The following GLI4 variants were observed in gnomAD, a reference collection of about 807,000 sequenced individuals.
The protein encoded by GLI4 is GLI family zinc finger 4, also known as zinc finger protein GLI4.
Under a neutral mutation model 30.9 loss-of-function variants are expected in GLI4, and 34 were observed. The observed-to-expected ratio is 1.10, with a 90% CI of 0.84 to 1.47. The LOEUF (loss-of-function observed/expected upper bound fraction) is 1.47, where lower values mean the gene tolerates loss of function less well. Ranked by LOEUF, GLI4 falls within the 40% of genes most tolerant of loss-of-function variation. GLI4 has a pLI of 0.00. For missense variants in GLI4, 696 were observed against 538.9 expected, an observed-to-expected ratio of 1.29 and a Z score of -2.89; for synonymous variants, 277 against 236.7, an observed-to-expected ratio of 1.17 and a Z score of -1.56.
In GLI4 at chr8:143,276,511, TCCAACCTGGTGCG is replaced by T; in HGVS notation, c.842_854del (p.Asn281ThrfsTer132). The T allele has an allele frequency of 6.2e-7, 1 of 1,612,760 alleles. No homozygotes were observed. Among genetic ancestry groups the T allele is most frequent in the South Asian group, 1.1e-5 (1 of 91,060 alleles). On this transcript the variant is annotated frameshift_variant, in exon 4 of 4. Coordinates refer to ENST00000340042, the MANE Select transcript of GLI4 (RefSeq NM_138465.4). LOFTEE classifies it high-confidence loss of function. ...GTGCGGCCAGGCCTTCAGCCAGAGC[TCCAACCTGGTGCG>T]CCACCAGCGGCTGCACACGGGTGAG...
intron 3 of GLI4, 23 bp from the exon 4 acceptor site, chr8:143,275,874 G>T: frequency 7.9e-7 from 1 of 1,269,298 alleles, no homozygotes. Flanking sequence ...GGTACTATCC[G>T]CCTCTGCCGT....
chr8:143,275,386 G>A (rs1246857095), intron 3 of GLI4: 43 of 1,398,968 alleles, frequency 3.1e-5, no homozygotes, highest in Non-Finnish European at 4.0e-5. Context: ...AAGAGACCCT[G>A]GGCCAGAGAT....
rs144938868 is a variant in GLI4 at position 143,274,244 on chromosome 8, G to A, written c.125-460G>A. Reference sequence around the variant, plus strand: ...CTCGTCAAGGACAGCAGAGAGCCCCGGAGGGACAGAAAGGTCTGGGGCCAA... The same window carrying A: ...CTCGTCAAGGACAGCAGAGAGCCCCAGAGGGACAGAAAGGTCTGGGGCCAA... On this transcript the variant is annotated intron_variant, in intron 2 of 3. Coordinates refer to ENST00000340042, the MANE Select transcript of GLI4 (RefSeq NM_138465.4). 2.2e-4 allele frequency among the ~76,000 whole-genome samples: 34 copies of A among 152,340 alleles called. 1 individual carries two copies. In the East Asian group the frequency reaches 5.2e-3, roughly 23 times the overall value.
chr8:143,275,417 G>T, intron 3 of GLI4: 2 of 1,385,730 alleles, frequency 1.4e-6, no homozygotes, highest in East Asian at 5.4e-5. Context: ...AGCTCCTGGG[G>T]TGGGCATGGG....
chr8:143,269,651 C>G, intron 2 of GLI4, 131 bp downstream of exon 2: 1 of 772,246 alleles, frequency 1.3e-6, no homozygotes, highest in Non-Finnish European at 2.2e-6. Flanking sequence ...GCAGCTCCTT[C>G]AGCAGCTGGG....
Position 143,276,658 on chromosome 8 carries a change from G to T in GLI4, c.985G>T (p.Gly329Cys). The T allele has an allele frequency of 1.2e-6, 2 of 1,612,204 alleles. No homozygotes were observed. Among genetic ancestry groups the T allele is most frequent in the Non-Finnish European group, 1.7e-6 (2 of 1,179,628 alleles). ...GEKPYECSDCGKAFRGRSHFF... is the reference protein window; with the variant it reads ...GEKPYECSDCCKAFRGRSHFF... The stretch of plus-strand genomic sequence containing the variant: ...GAAGCCCTACGAGTGCTCCGACTGC[G>T]GCAAAGCCTTCCGCGGCCGCTCGCA... Residue 329 changes from glycine (G) to cysteine (C), a missense_variant, in exon 4 of 4, where the codon GGC becomes TGC. Coordinates refer to ENST00000340042, the MANE Select transcript of GLI4 (RefSeq NM_138465.4).
chr8:143,272,167 G>T lies in GLI4; in HGVS notation c.125-2537G>T, dbSNP rs560373531. 2.0e-5 allele frequency among the ~76,000 whole-genome samples: 3 copies of T among 152,292 alleles called. No homozygotes were observed. The East Asian group carries it at 5.8e-4, about 29-fold the overall frequency. Reference sequence around the variant, plus strand: ...CTTGGGGGCTTGCAGCCCTGTGGGGGTTACTGAGTGCCCAGGCTGTTAGGG... The same window carrying T: ...CTTGGGGGCTTGCAGCCCTGTGGGGTTTACTGAGTGCCCAGGCTGTTAGGG... On this transcript the variant is annotated intron_variant, in intron 2 of 3. Coordinates refer to ENST00000340042, the MANE Select transcript of GLI4 (RefSeq NM_138465.4).
At chr8:143,271,252 CTG>C (rs1815262381) in intron 2 of GLI4, among the ~76,000 whole-genome samples, 1 of 152,132 alleles carries the variant, frequency 6.6e-6, no homozygotes, top group Admixed American at 6.5e-5. Flanking sequence ...CAGCAAGAGA[CTG>C]TGGCAGGAGG....
chr8:143,268,090 G>A (rs1586724632), intron 1 of GLI4: 1 of 985,370 alleles, frequency 1.0e-6, no homozygotes, highest in Non-Finnish European at 1.2e-6. Context: ...CTTTTACCAG[G>A]TGTCCCCAGT....
chr8:143,269,694 G>T (rs546606247), intron 2 of GLI4, among the ~76,000 whole-genome samples, 174 bp downstream of exon 2: 1 of 152,220 alleles, frequency 6.6e-6, no homozygotes, highest in Non-Finnish European at 1.5e-5. Flanking sequence ...GGCTCGGCGC[G>T]GGTTGGGTTG....
chr8:143,269,540 T>C lies in GLI4; in HGVS notation c.124+20T>C. 5 of 1,606,010 alleles carry C rather than the reference T, an allele frequency of 3.1e-6. No individual in the cohort carries two copies. Among genetic ancestry groups the C allele is most frequent in the Non-Finnish European group, 4.3e-6 (5 of 1,173,436 alleles). On this transcript the variant is annotated intron_variant, in intron 2 of 3. Coordinates refer to ENST00000340042, the MANE Select transcript of GLI4 (RefSeq NM_138465.4). Reference sequence around the variant, plus strand: ...AACATGGTACTCACCCAGCCCGCTGTGCGCCCTCCACCCTGCATCCCCTGC... The same window carrying C: ...AACATGGTACTCACCCAGCCCGCTGCGCGCCCTCCACCCTGCATCCCCTGC...
At chr8:143,275,235 C>G (rs1423478938) in intron 3 of GLI4, 3 of 1,529,970 alleles carry the variant, frequency 2.0e-6, no homozygotes, top group Admixed American at 2.0e-5. Flanking sequence ...GTCCAGGTCC[C>G]CTGCACCTCC....
chr8:143,269,094 G>A (rs530244325), intron 1 of GLI4, among the ~76,000 whole-genome samples: 5 of 152,166 alleles, frequency 3.3e-5, no homozygotes, highest in East Asian at 1.9e-4. Context: ...TACCCACCTC[G>A]GCCTCACAAA....
chr8:143,275,803 C>G, intron 3 of GLI4, 94 bp from the exon 4 acceptor site: 47 of 1,247,446 alleles, frequency 3.8e-5, no homozygotes, highest in Non-Finnish European at 4.7e-5. Context: ...TCTAAGCCCC[C>G]CCGTCCAGCT....
At chr8:143,267,965 T>A in intron 1 of GLI4, 1 of 985,364 alleles carries the variant, frequency 1.0e-6, no homozygotes, top group Non-Finnish European at 1.2e-6. Context: ...CCTTCCCCCT[T>A]CAGTCTGGAG....
chr8:143,275,280 T>C (rs749939434), intron 3 of GLI4: 100 of 1,497,492 alleles, frequency 6.7e-5, no homozygotes, highest in Non-Finnish European at 8.4e-5. Context: ...CTCTGGGCGA[T>C]GTTAGTGATA....
intron 2 of GLI4, among the ~76,000 whole-genome samples, chr8:143,271,341 C>G (rs1048411400): frequency 1.3e-5 from 2 of 152,170 alleles, no homozygotes; most frequent in African/African-American, 4.8e-5. Context: ...GGCCTTCATC[C>G]CCTCTTCATG....
At chr8:143,271,737 G>C (rs1330502521) in intron 2 of GLI4, among the ~76,000 whole-genome samples, 1 of 152,142 alleles carries the variant, frequency 6.6e-6, no homozygotes, top group Non-Finnish European at 1.5e-5. Context: ...GTCCCAAGTA[G>C]GAGCCGTTTA....
rs1272762964 is a variant in GLI4, at chr8:143,274,731, T to G, written c.152T>G (p.Leu51Arg). ...HGSPGSSPKV[L>R]SQPSDLDLQD... ...TCCCCTGGCTCCAGCCCTAAGGTGC[T>G]CTCCCAGCCGTCCGACCTGGATCTC... The change falls in exon 3 of 4, where the codon CTC (leucine) becomes CGC (arginine). Residue 51 changes from leucine (L) to arginine (R), a missense_variant. Coordinates refer to ENST00000340042, the MANE Select transcript of GLI4 (RefSeq NM_138465.4). 6 of 1,566,046 alleles carry G rather than the reference T, an allele frequency of 3.8e-6. No homozygotes were observed. Among genetic ancestry groups the G allele is most frequent in the African/African-American group, 1.4e-5 (1 of 73,366 alleles).
Sources: gnomAD v4.1 joint callset for allele counts (sites outside exome capture counted in the v4.1 genomes callset) on GRCh38, gnomAD v4.1.1 for gene constraint, MANE v1.5 for transcripts, NCBI Gene and HGNC (gene_info 2026-07-23, HGNC 2026-07-21) for gene names.